Variants in AUTS2 observed in about 807,000 individuals in gnomAD.
AUTS2 encodes activator of transcription and developmental regulator AUTS2.
AUTS2 carries 17 observed loss-of-function variants against 112.4 expected under a neutral mutation model. The ratio of observed to expected loss-of-function variants is 0.15; its 90% CI spans 0.10 to 0.23. AUTS2 has a LOEUF of 0.23. Ranked by LOEUF, AUTS2 falls within the 10% of genes least tolerant of loss-of-function variation. AUTS2 has a pLI of 1.00. For missense variants in AUTS2, 1,510 were observed against 1,701.6 expected, an observed-to-expected ratio of 0.89 and a Z score of 1.98; for synonymous variants, 751 against 702.7, an observed-to-expected ratio of 1.07 and a Z score of -1.09.
rs1379174131 is a variant in AUTS2, at chr7:70,764,992, G to T, written c.1455G>T (p.Gly485=). ...TGCAGGTGGCCGGACACCCGGCCGG[G>T]AGCACTTACTCAGGTAGGACGGAGG... ...GSLQVAGHPA[G]STYSEQDILR... is the part of the protein sequence containing the mutation. The change falls in exon 8 of 19, where the codon GGG becomes GGT. Residue 485 remains glycine, a synonymous_variant. Transcript: ENST00000342771. 3.7e-6 allele frequency: 6 copies of T among 1,613,814 alleles called. No homozygotes were observed. Among genetic ancestry groups the T allele is most frequent in the Non-Finnish European group, 5.1e-6 (6 of 1,179,982 alleles).
At chr7:70,032,661 T>C (rs1384606488) in intron 2 of AUTS2, among the ~76,000 whole-genome samples, 1 of 152,140 alleles carries the variant, frequency 6.6e-6, no homozygotes, top group Admixed American at 6.6e-5. Context: ...TTTCCCAAGC[T>C]AAAAGCCACA....
intron 3 of AUTS2, among the ~76,000 whole-genome samples, chr7:70,128,121 CTT>C (rs990777763): frequency 1.3e-5 from 2 of 152,246 alleles, no homozygotes; most frequent in East Asian, 3.9e-4. Context: ...TTATTCCTCT[CTT>C]TTTAAAAAAA....
intron 4 of AUTS2, among the ~76,000 whole-genome samples, chr7:70,357,047 C>T (rs1792043331): frequency 6.6e-6 from 1 of 152,116 alleles, no homozygotes; most frequent in Non-Finnish European, 1.5e-5. Context: ...AGTTTGGTAA[C>T]AGAATTAGTT....
intron 5 of AUTS2, among the ~76,000 whole-genome samples, chr7:70,452,565 C>T (rs1171133495): frequency 6.6e-6 from 1 of 152,118 alleles, no homozygotes; most frequent in Non-Finnish European, 1.5e-5. Context: ...ACTTACCCTG[C>T]AAAAAACCAT....
intron 4 of AUTS2, among the ~76,000 whole-genome samples, chr7:70,435,255 G>A (rs1394631819): frequency 2.0e-5 from 3 of 152,234 alleles, no homozygotes; most frequent in African/African-American, 7.2e-5. Context: ...GTTCAAATGA[G>A]TGACTACAAC....
intron 4 of AUTS2, among the ~76,000 whole-genome samples, chr7:70,370,131 A>G (rs1792772975): frequency 6.6e-6 from 1 of 151,942 alleles, no homozygotes; most frequent in South Asian, 2.1e-4. Flanking sequence ...CAAAGGAGAA[A>G]CCTCTTTATT....
chr7:69,651,187 G>A lies in AUTS2; in HGVS notation c.309+51225G>A, dbSNP rs145581496. ...GGTCTGAGACAGTGTGAGGAACGGG[G>A]TGTGAAACAAACTTATGACATCTCT... On this transcript the variant is annotated intron_variant, in intron 1 of 18. Coordinates refer to ENST00000342771, the MANE Select transcript of AUTS2 (RefSeq NM_015570.4). 1.6e-3 allele frequency among the ~76,000 whole-genome samples: 246 copies of A among 152,336 alleles called. 1 individual carries two copies. Among genetic ancestry groups the A allele is most frequent in the African/African-American group, 5.7e-3 (235 of 41,590 alleles).
intron 2 of AUTS2, among the ~76,000 whole-genome samples, chr7:70,043,351 C>A (rs932683606): frequency 5.3e-5 from 8 of 152,158 alleles, no homozygotes; most frequent in African/African-American, 1.4e-4. Context: ...TTGAATAATA[C>A]AGAAACGTTG....
chr7:70,260,733 A>G (rs1214806032), intron 4 of AUTS2, among the ~76,000 whole-genome samples: 1 of 151,878 alleles, frequency 6.6e-6, no homozygotes, highest in African/African-American at 2.4e-5. Flanking sequence ...TGCTTACACA[A>G]AGACCTGTAC....
chr7:70,325,960 T>C (rs1790467284), intron 4 of AUTS2, among the ~76,000 whole-genome samples: 1 of 152,224 alleles, frequency 6.6e-6, no homozygotes, highest in African/African-American at 2.4e-5. Flanking sequence ...GCAATCAAAC[T>C]GTTCATTTTG....
chr7:69,838,681 C>G (rs946691515), intron 1 of AUTS2, among the ~76,000 whole-genome samples: 1 of 152,090 alleles, frequency 6.6e-6, no homozygotes, highest in African/African-American at 2.4e-5. Flanking sequence ...AGCAGTGGAA[C>G]TCTTCTTTAA....
chr7:70,787,447 G>A lies in AUTS2; in HGVS notation c.2531+16G>A, dbSNP rs368191722. 7.0e-6 allele frequency: 11 copies of A among 1,572,334 alleles called. No homozygotes were observed. Among genetic ancestry groups the A allele is most frequent in the African/African-American group, 4.1e-5 (3 of 73,884 alleles). On this transcript the variant is annotated intron_variant, in intron 18 of 18. Coordinates refer to ENST00000342771, the MANE Select transcript of AUTS2 (RefSeq NM_015570.4). ...ACAAAGAAAGGTACGGAAAGAAACCGCTCTCGAGTCCCCACGGGGGAGCCT... is the reference window on the plus strand; with the variant it reads ...ACAAAGAAAGGTACGGAAAGAAACCACTCTCGAGTCCCCACGGGGGAGCCT...
chr7:70,419,721 G>T (rs1408501953), intron 4 of AUTS2, among the ~76,000 whole-genome samples: 1 of 152,146 alleles, frequency 6.6e-6, no homozygotes, highest in African/African-American at 2.4e-5. Context: ...AATAGAAATT[G>T]ACATTCCTCC....
At chr7:69,622,755 T>A (rs918503208) in intron 1 of AUTS2, among the ~76,000 whole-genome samples, 2 of 152,238 alleles carry the variant, frequency 1.3e-5, no homozygotes, top group Non-Finnish European at 2.9e-5. Context: ...GATATTGTAA[T>A]TGTGAGAAAA....
chr7:70,043,596 CCTTCCTTCCTT>C (rs1403710484), intron 2 of AUTS2, among the ~76,000 whole-genome samples: 1 of 61,602 alleles, frequency 1.6e-5, no homozygotes, highest in Non-Finnish European at 3.4e-5. Context: ...TTCCTTCCTT[CCTTCCTTCCTT>C]TTTTTTTTTT....
chr7:70,528,093 ATTTTTTTT>A (rs10651355), intron 5 of AUTS2, among the ~76,000 whole-genome samples: 2 of 97,276 alleles, frequency 2.1e-5, no homozygotes, highest in African/African-American at 4.5e-5. Context: ...AAATTTAAGG[ATTTTTTTT>A]TTTTTTTTTT....
At chr7:69,910,054 A>G (rs1266161978) in intron 2 of AUTS2, among the ~76,000 whole-genome samples, 3 of 152,240 alleles carry the variant, frequency 2.0e-5, no homozygotes, top group Non-Finnish European at 4.4e-5. Flanking sequence ...GTGAAACTTC[A>G]GCAGCCCACT....
chr7:70,746,368 A>G (rs943105875), intron 6 of AUTS2, among the ~76,000 whole-genome samples: 1 of 151,958 alleles, frequency 6.6e-6, no homozygotes, highest in African/African-American at 2.4e-5. Flanking sequence ...CTGATCTCGA[A>G]CTCCGGACCT....
intron 1 of AUTS2, among the ~76,000 whole-genome samples, chr7:69,734,271 C>T (rs968553690): frequency 5.3e-5 from 8 of 151,280 alleles, no homozygotes; most frequent in African/African-American, 1.7e-4. Flanking sequence ...AGCTCTTCCA[C>T]GTGTGGAGAT....
Sources: allele counts gnomAD v4.1 joint callset (sites outside exome capture counted in the v4.1 genomes callset), GRCh38; gene constraint gnomAD v4.1.1; transcripts MANE v1.5; gene names NCBI Gene and HGNC (gene_info 2026-07-23, HGNC 2026-07-21).